The following MYOF variants were observed in gnomAD, a reference collection of about 807,000 sequenced individuals.
MYOF encodes the protein myoferlin, also known as fer-1-like 3, myoferlin.
In MYOF, 244 loss-of-function variants were observed where a neutral mutation model predicts 284.2. That is an observed-to-expected ratio of 0.86 (90% CI 0.77 to 0.95). The LOEUF (loss-of-function observed/expected upper bound fraction) is 0.95, where lower values mean the gene tolerates loss of function less well. Ranked by LOEUF, MYOF falls within the 40% of genes least tolerant of loss-of-function variation. The pLI, the probability that MYOF is intolerant of heterozygous loss-of-function variation, is 0.00. For missense variants in MYOF, 2,496 were observed against 2,560.6 expected (o/e 0.97, Z 0.54); for synonymous variants, 904 against 919.7 (o/e 0.98, Z 0.31).
At chr10:93,334,062 T>C in intron 41 of MYOF, 149 bp from the exon 42 acceptor site, 2 of 722,234 alleles carry the variant, frequency 2.8e-6, no homozygotes, top group Non-Finnish European at 2.2e-6. Flanking sequence ...ACTTTGCATA[T>C]TTCCAGTAGG....
intron 45 of MYOF, among the ~76,000 whole-genome samples, chr10:93,327,535 TG>T (rs1466544855): frequency 6.6e-6 from 1 of 152,120 alleles, no homozygotes; most frequent in Admixed American, 6.5e-5. Context: ...TTACTAAGTT[TG>T]GGGTGATCTG....
In MYOF at chr10:93,351,291, C is replaced by T. The variant is rs373132726; in HGVS notation, c.3827G>A (p.Gly1276Asp). 1.9e-6 allele frequency: 3 copies of T among 1,612,068 alleles called. No individual in the cohort carries two copies. Among genetic ancestry groups the T allele is most frequent in the East Asian group, 4.5e-5 (2 of 44,874 alleles). The change falls in exon 35 of 54, where the codon GGC becomes GAC. Residue 1276 changes from glycine (G) to aspartate (D), a missense_variant. Physicochemically the swap from Gly to Asp is moderately conservative, Grantham distance 94. Around this residue, in one of 3 missense-constraint regions of MYOF, gnomAD observed 2,436 missense variants for 2,480.7 expected, o/e 0.98. Coordinates refer to ENST00000359263, the MANE Select transcript of MYOF (RefSeq NM_013451.4). ...AGGGGGAAGAATGGGAAGGTTGGAGCCATCCTGTGAAACAAACATGGATAT... is the reference window on the plus strand; with the variant it reads ...AGGGGGAAGAATGGGAAGGTTGGAGTCATCCTGTGAAACAAACATGGATAT... The part of the protein sequence containing the change: ...TAELILRGKD[G>D]SNLPILPPQR...
At chr10:93,438,799 C>T (rs1048087514) in intron 3 of MYOF, among the ~76,000 whole-genome samples, 90 of 152,170 alleles carry the variant, frequency 5.9e-4, no homozygotes, top group African/African-American at 2.0e-3. Flanking sequence ...CATCGAAGTC[C>T]AATTATTTAA....
intron 43 of MYOF, among the ~76,000 whole-genome samples, chr10:93,332,661 C>T (rs375203686): frequency 2.7e-4 from 41 of 150,670 alleles, no homozygotes; most frequent in Non-Finnish European, 3.8e-4. Flanking sequence ...CTGGCTAACA[C>T]GGTGAAACCC....
In MYOF at chr10:93,387,791, A is replaced by G; in HGVS notation, c.1698+6T>C. 2 of 1,610,728 alleles carry G rather than the reference A, an allele frequency of 1.2e-6. No individual in the cohort carries two copies. The highest frequency in any genetic ancestry group is 1.7e-6 in the Non-Finnish European group (2 of 1,176,998). ...TACCATGCATTACTCACACTTTAAC[A>G]TTTACCTCAACAACCAGCAGGTCAT... On this transcript the variant is annotated splice_donor_region_variant and intron_variant, in intron 19 of 53. Transcript: ENST00000359263.
intron 44 of MYOF, 70 bp downstream of exon 44, chr10:93,329,594 G>T: frequency 6.5e-7 from 1 of 1,540,996 alleles, no homozygotes; most frequent in Non-Finnish European, 8.9e-7. Flanking sequence ...CTAAGGTAGA[G>T]GGCCTAGGCC....
chr10:93,354,666 A>ACTCT (rs140255016), intron 31 of MYOF, among the ~76,000 whole-genome samples: 3,040 of 119,268 alleles, frequency 0.025, 58 homozygotes, highest in East Asian at 0.062. Flanking sequence ...TCACACATTC[A>ACTCT]CTCTCTCTCT....
intron 36 of MYOF, among the ~76,000 whole-genome samples, chr10:93,348,632 C>T (rs1173787263): frequency 6.6e-6 from 1 of 151,830 alleles, no homozygotes; most frequent in Non-Finnish European, 1.5e-5. Context: ...CTTTGGGACC[C>T]TGGCTGGCAG....
At chr10:93,377,854 T>TTA (rs1276931654) in intron 21 of MYOF, among the ~76,000 whole-genome samples, 2 of 152,166 alleles carry the variant, frequency 1.3e-5, no homozygotes, top group African/African-American at 2.4e-5. Flanking sequence ...GAGAAGAAAG[T>TTA]TAGAGACATA....
At chr10:93,438,744 G>A (rs1158005454) in intron 3 of MYOF, among the ~76,000 whole-genome samples, 2 of 152,116 alleles carry the variant, frequency 1.3e-5, no homozygotes, top group Admixed American at 6.5e-5. Context: ...GAGTGGTTTT[G>A]AAAACATTCA....
chr10:93,402,359 A>G lies in MYOF; in HGVS notation c.875-12T>C. 1 of 1,587,076 alleles carries G rather than the reference A, an allele frequency of 6.3e-7. No individual in the cohort carries two copies. Among genetic ancestry groups the G allele is most frequent in the South Asian group, 1.1e-5 (1 of 90,472 alleles). ...CATGACAGCATGGCCTAAAATAGAG[A>G]AGGAGTAAAAGGAAATGGACATGCT... is the stretch of plus-strand genomic sequence containing the variant. On this transcript the variant is annotated splice_polypyrimidine_tract_variant and intron_variant, in intron 10 of 53. Coordinates refer to ENST00000359263, the MANE Select transcript of MYOF (RefSeq NM_013451.4).
At chr10:93,403,873 C>T (rs1316458057) in intron 9 of MYOF, 150 bp downstream of exon 9, 2 of 783,464 alleles carry the variant, frequency 2.6e-6, no homozygotes, top group African/African-American at 1.7e-5. Context: ...TGGAAATAGA[C>T]AAGCCCCAAG....
At chr10:93,392,993 C>CACGGGCATTATAAA (rs1291988167) in intron 16 of MYOF, 38 bp from the exon 17 acceptor site, 4 of 1,544,164 alleles carry the variant, frequency 2.6e-6, no homozygotes, top group Admixed American at 3.4e-5. Context: ...ACAAGAAGAA[C>CACGGGCATTATAAA]ACGGGCATTA....
At chr10:93,352,765 GT>G (rs1285596667) in intron 32 of MYOF, among the ~76,000 whole-genome samples, 6 of 152,230 alleles carry the variant, frequency 3.9e-5, no homozygotes, top group African/African-American at 1.4e-4. Context: ...TGTGCTTAGA[GT>G]TTTATGAAGC....
At chr10:93,375,314 C>A (rs1354933193) in intron 22 of MYOF, among the ~76,000 whole-genome samples, 1 of 152,182 alleles carries the variant, frequency 6.6e-6, no homozygotes, top group Non-Finnish European at 1.5e-5. Flanking sequence ...TTTACAGAAC[C>A]ACAAAATGAT....
chr10:93,371,613 A>C lies in MYOF; in HGVS notation c.2457+1317T>G, dbSNP rs556636336. On this transcript the variant is annotated intron_variant, in intron 24 of 53. Transcript: ENST00000359263. ...GTAATTGATGTAATTTATGTTAGTAACGGGTTATTGTTACAGTTAAATCAA... is the reference window on the plus strand; with the variant it reads ...GTAATTGATGTAATTTATGTTAGTACCGGGTTATTGTTACAGTTAAATCAA... Among the ~76,000 whole-genome samples the C allele has an allele frequency of 2.6e-5, 4 of 152,342 alleles. No homozygotes were observed. The South Asian group carries it at 6.2e-4, about 24-fold the overall frequency.
At chr10:93,424,506 C>T (rs1848496070) in intron 5 of MYOF, among the ~76,000 whole-genome samples, 1 of 151,994 alleles carries the variant, frequency 6.6e-6, no homozygotes, top group Non-Finnish European at 1.5e-5. Context: ...CATGGATGTT[C>T]TTGAGCCACT....
chr10:93,406,056 C>G (rs749687176), intron 7 of MYOF, among the ~76,000 whole-genome samples: 46 of 151,140 alleles, frequency 3.0e-4, no homozygotes, highest in Non-Finnish European at 5.8e-4. Flanking sequence ...CTCCCAGGTT[C>G]AAGCAATTCT....
At chr10:93,404,755 A>AAT (rs527366323) in intron 7 of MYOF, among the ~76,000 whole-genome samples, 153 of 152,224 alleles carry the variant, frequency 1.0e-3, no homozygotes, top group Non-Finnish European at 1.9e-3. Flanking sequence ...AAATTTCTCT[A>AAT]ATATCTTTAG....
Sources: gnomAD v4.1 joint callset for allele counts (sites outside exome capture counted in the v4.1 genomes callset) on GRCh38, gnomAD v4.1.1 for gene constraint, gnomAD v4.1.1 regional missense constraint, MANE v1.5 for transcripts, NCBI Gene and HGNC (gene_info 2026-07-23, HGNC 2026-07-21) for gene names.